Variants in RAB38 observed in about 807,000 individuals in gnomAD.
RAB38 encodes the protein ras-related protein Rab-38.
RAB38 carries 15 observed loss-of-function variants against 18.4 expected under a neutral mutation model. The observed-to-expected ratio is 0.82, with a 90% CI of 0.55 to 1.26. RAB38 has a LOEUF of 1.26. Among genes scored for constraint, RAB38 ranks in the 50% most tolerant of loss-of-function variants. The pLI is 0.00. For synonymous variants in RAB38, 101 were observed against 104.4 expected (o/e 0.97, Z 0.20); for missense variants, 294 against 267.4 (o/e 1.10, Z -0.69).
chr11:87,849,340 C>T, the RAB38 span, among the ~76,000 whole-genome samples: 1 of 152,150 alleles, frequency 6.6e-6, no homozygotes, highest in Non-Finnish European at 1.5e-5. Context: ...TTTTAAACTG[C>T]TCTTCATCTG....
chr11:88,019,892 T>C, the RAB38 span, among the ~76,000 whole-genome samples: 3 of 152,206 alleles, frequency 2.0e-5, no homozygotes, highest in Admixed American at 2.0e-4. Context: ...TAGTACTTAA[T>C]ATAAATGTTT....
At chr11:87,941,051 T>C in the RAB38 span, among the ~76,000 whole-genome samples, 1 of 151,520 alleles carries the variant, frequency 6.6e-6, no homozygotes, top group African/African-American at 2.4e-5. Flanking sequence ...ATAGCTGTCA[T>C]GGTGAACCTA....
the RAB38 span, among the ~76,000 whole-genome samples, chr11:87,891,000 GCATAGGT>G: frequency 1.3e-5 from 2 of 151,820 alleles, no homozygotes; most frequent in Non-Finnish European, 2.9e-5. Flanking sequence ...ATGTGTACCT[GCATAGGT>G]CACACTCTCA....
At chr11:88,011,866 C>A in the RAB38 span, among the ~76,000 whole-genome samples, 15 of 152,260 alleles carry the variant, frequency 9.9e-5, no homozygotes, top group East Asian at 2.7e-3. Flanking sequence ...AACTCCAAAT[C>A]CTTTGTTCTT....
chr11:87,909,762 A>G, the RAB38 span, among the ~76,000 whole-genome samples: 1 of 152,030 alleles, frequency 6.6e-6, no homozygotes, highest in South Asian at 2.1e-4. Flanking sequence ...GGTGTTACCA[A>G]TTGTTCCTTA....
At chr11:88,050,961 G>A in the RAB38 span, among the ~76,000 whole-genome samples, 2 of 152,174 alleles carry the variant, frequency 1.3e-5, no homozygotes, top group Non-Finnish European at 2.9e-5. Flanking sequence ...ATACAGCAAA[G>A]GAGGGCTGGA....
chr11:88,004,791 G>C, the RAB38 span, among the ~76,000 whole-genome samples: 1 of 151,202 alleles, frequency 6.6e-6, no homozygotes, highest in Non-Finnish European at 1.5e-5. Flanking sequence ...ATTTAGTCAG[G>C]TCTCAGGATA....
At chr11:87,893,283 A>ATT in the RAB38 span, among the ~76,000 whole-genome samples, 1 of 44,090 alleles carries the variant, frequency 2.3e-5, no homozygotes, top group Non-Finnish European at 4.5e-5. Context: ...TTTTTTCCAG[A>ATT]TTTTGTGTGT....
At chr11:88,059,901 G>GC in the RAB38 span, among the ~76,000 whole-genome samples, 1 of 152,200 alleles carries the variant, frequency 6.6e-6, no homozygotes, top group Non-Finnish European at 1.5e-5. Flanking sequence ...CTGTCCTGGT[G>GC]CCCAATTCTC....
the RAB38 span, among the ~76,000 whole-genome samples, chr11:87,844,428 T>C: frequency 6.6e-6 from 1 of 152,168 alleles, no homozygotes; most frequent in Non-Finnish European, 1.5e-5. Context: ...ACAAGAACTT[T>C]ATGACAGAGG....
chr11:88,076,038 AAAAT>A, the RAB38 span, among the ~76,000 whole-genome samples: 2 of 151,758 alleles, frequency 1.3e-5, no homozygotes, highest in South Asian at 4.1e-4. Flanking sequence ...ATAATAAAAT[AAAAT>A]AAAAAGATCA....
At chr11:88,120,619 T>C (rs750798416) in intron 2 of RAB38, among the ~76,000 whole-genome samples, 5 of 152,186 alleles carry the variant, frequency 3.3e-5, no homozygotes, top group African/African-American at 9.7e-5. Context: ...AAATGGGATA[T>C]AGTGAAGAGA....
intron 1 of RAB38, among the ~76,000 whole-genome samples, chr11:88,164,851 A>G (rs1943229394): frequency 6.6e-6 from 1 of 152,042 alleles, no homozygotes; most frequent in Non-Finnish European, 1.5e-5. Context: ...ACACCACACA[A>G]TACATGCATA....
chr11:87,938,491 TCCCACTTG>T, the RAB38 span, among the ~76,000 whole-genome samples: 1 of 152,094 alleles, frequency 6.6e-6, no homozygotes. Context: ...AAGTCCAGTT[TCCCACTTG>T]CGTTAACTGC....
chr11:87,929,227 T>C, the RAB38 span, among the ~76,000 whole-genome samples: 1 of 152,088 alleles, frequency 6.6e-6, no homozygotes, highest in Non-Finnish European at 1.5e-5. Flanking sequence ...CTTTTTCTCA[T>C]TCATATTAAT....
chr11:88,037,462 C>A, the RAB38 span, among the ~76,000 whole-genome samples: 1 of 151,660 alleles, frequency 6.6e-6, no homozygotes, highest in Non-Finnish European at 1.5e-5. Context: ...TAAAGTGTAC[C>A]CATTCTAAGT....
chr11:88,017,192 A>G, the RAB38 span, among the ~76,000 whole-genome samples: 2 of 152,110 alleles, frequency 1.3e-5, no homozygotes, highest in African/African-American at 4.8e-5. Flanking sequence ...CAGTTTACTC[A>G]GAATACATTT....
intron 2 of RAB38, among the ~76,000 whole-genome samples, chr11:88,117,488 C>A (rs1196983500): frequency 6.6e-6 from 1 of 152,114 alleles, no homozygotes; most frequent in Non-Finnish European, 1.5e-5. Context: ...TAACAGCTGA[C>A]CTATCAGTAA....
intron 2 of RAB38, among the ~76,000 whole-genome samples, chr11:88,139,829 A>G (rs532462256): frequency 2.0e-5 from 3 of 152,360 alleles, no homozygotes; most frequent in East Asian, 3.9e-4. Flanking sequence ...AGAGTGCTAG[A>G]CTGGATCTGA....
Sources: allele counts gnomAD v4.1 joint callset (sites outside exome capture counted in the v4.1 genomes callset), GRCh38; gene constraint gnomAD v4.1.1; transcripts MANE v1.5; gene names NCBI Gene and HGNC (gene_info 2026-07-23, HGNC 2026-07-21).